MAP7D2: variants seen among roughly 807,000 people sequenced by gnomAD.
The protein encoded by MAP7D2 is MAP7 domain containing 2, also known as MAP7 domain-containing protein 2.
MAP7D2 carries 33 observed loss-of-function variants against 63.5 expected under a neutral mutation model. The ratio of observed to expected loss-of-function variants is 0.52; its 90% CI spans 0.39 to 0.70. MAP7D2 has a LOEUF of 0.70. Among genes scored for constraint, MAP7D2 ranks in the 30% least tolerant of loss-of-function variants. The probability of loss-of-function intolerance (pLI) is 0.00; values close to 1 mark genes in which losing one functional copy is unlikely to be tolerated. For synonymous variants in MAP7D2, 224 were observed against 223.7 expected, an observed-to-expected ratio of 1.00 and a Z score of -0.01; for missense variants, 626 against 604.0, an observed-to-expected ratio of 1.04 and a Z score of -0.38.
chrX:20,049,018 G>A (rs758092605), intron 6 of MAP7D2, among the ~76,000 whole-genome samples: 1 of 110,246 alleles, frequency 9.1e-6, no homozygotes, highest in African/African-American at 3.3e-5. Flanking sequence ...TTGCAAGGTT[G>A]TGGAACCATA....
chrX:20,064,661 A>G, intron 2 of MAP7D2, 67 bp downstream of exon 2: 1 of 934,313 alleles, frequency 1.1e-6, no homozygotes, highest in South Asian at 2.0e-5. Flanking sequence ...ATTTCTAAGA[A>G]TCTTCAGAAA....
intron 6 of MAP7D2, among the ~76,000 whole-genome samples, chrX:20,048,387 C>T (rs2064855996): frequency 9.0e-6 from 1 of 110,936 alleles, no homozygotes; most frequent in South Asian, 3.8e-4. Context: ...TCCTGAGTGA[C>T]TCCACCAGAG....
chrX:20,061,808 T>C (rs1180126908), intron 3 of MAP7D2, among the ~76,000 whole-genome samples: 3 of 112,542 alleles, frequency 2.7e-5, no homozygotes, highest in Non-Finnish European at 3.8e-5. Context: ...ACAATGCATA[T>C]GTCAGAGCAT....
chrX:20,066,899 C>T (rs1397179835), intron 1 of MAP7D2, among the ~76,000 whole-genome samples: 1 of 112,297 alleles, frequency 8.9e-6, no homozygotes, highest in Non-Finnish European at 1.9e-5. Flanking sequence ...GCTCCGGCCA[C>T]TGTCCCCTTA....
At chrX:20,096,781 G>A (rs1039573496) in intron 1 of MAP7D2, among the ~76,000 whole-genome samples, 75 of 111,997 alleles carry the variant, frequency 6.7e-4, no homozygotes, top group African/African-American at 2.2e-3. Flanking sequence ...TTTATGTTAT[G>A]TATATTCTAC....
chrX:20,064,039 CA>C (rs202189311), intron 2 of MAP7D2, among the ~76,000 whole-genome samples: 8,582 of 111,983 alleles, frequency 0.077, 782 homozygotes, highest in African/African-American at 0.26. Flanking sequence ...TGAGCTAAGT[CA>C]GGGGGTAAAA....
intron 1 of MAP7D2, among the ~76,000 whole-genome samples, chrX:20,116,031 G>A (rs1413024239): frequency 8.9e-6 from 1 of 112,707 alleles, no homozygotes; most frequent in Non-Finnish European, 1.9e-5. Flanking sequence ...AGTCTCCTCC[G>A]CTGCCTCGCT....
At chrX:20,087,319 C>T (rs1416493844) in intron 1 of MAP7D2, among the ~76,000 whole-genome samples, 2 of 111,600 alleles carry the variant, frequency 1.8e-5, no homozygotes, top group Non-Finnish European at 3.8e-5. Context: ...AGTTCTTGCT[C>T]TGTTAGTTCC....
chrX:20,018,089 C>T (rs1362770974), intron 10 of MAP7D2, among the ~76,000 whole-genome samples: 2 of 109,302 alleles, frequency 1.8e-5, no homozygotes, highest in Non-Finnish European at 3.8e-5. Context: ...GCCTCAGCCT[C>T]CCAACTAGCT....
At chrX:20,069,772 T>C (rs765043389) in intron 1 of MAP7D2, among the ~76,000 whole-genome samples, 3 of 90,236 alleles carry the variant, frequency 3.3e-5, no homozygotes, top group African/African-American at 1.7e-4. Flanking sequence ...GCTCTCTCTG[T>C]AATTTTTTTT....
intron 1 of MAP7D2, among the ~76,000 whole-genome samples, chrX:20,088,912 C>G (rs1001095495): frequency 2.7e-5 from 3 of 110,099 alleles, no homozygotes; most frequent in African/African-American, 9.9e-5. Context: ...CGGCTCACTG[C>G]AACCTCCACC....
intron 1 of MAP7D2, among the ~76,000 whole-genome samples, chrX:20,104,548 C>G (rs1480774950): frequency 2.7e-5 from 3 of 112,326 alleles, no homozygotes; most frequent in Non-Finnish European, 3.8e-5. Context: ...TGATCCACCC[C>G]TCTCGGCCTC....
At chrX:20,094,604 T>C (rs2066208341) in intron 1 of MAP7D2, among the ~76,000 whole-genome samples, 1 of 76,821 alleles carries the variant, frequency 1.3e-5, no homozygotes, top group Admixed American at 1.7e-4. Flanking sequence ...TTTTTGACAG[T>C]CTTGCTCTGT....
chrX:20,090,599 G>GT (rs1448584775), intron 1 of MAP7D2, among the ~76,000 whole-genome samples: 1 of 111,641 alleles, frequency 9.0e-6, no homozygotes, highest in Admixed American at 9.5e-5. Flanking sequence ...TTCAGGTGAG[G>GT]GTGTAAAAGA....
At chrX:20,023,954 T>C (rs778586029) in intron 10 of MAP7D2, among the ~76,000 whole-genome samples, 1 of 111,948 alleles carries the variant, frequency 8.9e-6, no homozygotes, top group East Asian at 2.8e-4. Context: ...TACCCCACTG[T>C]CCCTTTTAAA....
At chrX:20,051,031 G>A (rs960235260) in intron 5 of MAP7D2, 85 bp from the exon 6 acceptor site, 15 of 807,563 alleles carry the variant, frequency 1.9e-5, no homozygotes, top group East Asian at 1.5e-4. Context: ...AATGCATGGT[G>A]CAAATTAACT....
chrX:20,079,766 CCT>C (rs1323597064), intron 1 of MAP7D2, among the ~76,000 whole-genome samples: 15 of 111,545 alleles, frequency 1.3e-4, no homozygotes, highest in Admixed American at 9.6e-5. Context: ...GCTCCTTTCC[CCT>C]GATGATAGAA....
At chrX:20,064,905 G>A (rs187455628) in intron 1 of MAP7D2, 100 bp from the exon 2 acceptor site, 82 of 641,906 alleles carry the variant, frequency 1.3e-4, no homozygotes, top group Admixed American at 9.7e-4. Flanking sequence ...CTGACTGCAC[G>A]TGCACATCAT....
chrX:20,077,561 G>GAATTAAATGAGA (rs1485640495), intron 1 of MAP7D2, among the ~76,000 whole-genome samples: 2 of 112,374 alleles, frequency 1.8e-5, no homozygotes, highest in African/African-American at 6.5e-5. Flanking sequence ...CATAGAGTGA[G>GAATTAAATGAGA]AATTAAATGA....
Sources: gnomAD v4.1 joint callset for allele counts (sites outside exome capture counted in the v4.1 genomes callset) on GRCh38, gnomAD v4.1.1 for gene constraint, MANE v1.5 for transcripts, NCBI Gene and HGNC (gene_info 2026-07-23, HGNC 2026-07-21) for gene names.